Variants in ZNF483 observed in about 807,000 individuals in gnomAD.
ZNF483 encodes the protein zinc finger protein HIT-10.
A neutral mutation model predicts 28.6 loss-of-function variants in ZNF483; 9 were observed. The observed-to-expected ratio is 0.32, with a 90% CI of 0.19 to 0.55. The LOEUF (loss-of-function observed/expected upper bound fraction) is 0.55, where lower values mean the gene tolerates loss of function less well. ZNF483 is among the 20% of genes least tolerant of loss of function. ZNF483 has a pLI of 0.93. For synonymous variants in ZNF483, 322 were observed against 306.2 expected, an observed-to-expected ratio of 1.05 and a Z score of -0.54; for missense variants, 675 against 871.7, an observed-to-expected ratio of 0.77 and a Z score of 2.84.
At chr9:111,538,683 G>C (rs148836713) in intron 5 of ZNF483, among the ~76,000 whole-genome samples, 4 of 152,058 alleles carry the variant, frequency 2.6e-5, no homozygotes, top group Admixed American at 2.6e-4. Flanking sequence ...ATAAATATAT[G>C]TCCCTTCCCC....
intron 2 of ZNF483, 113 bp from the exon 3 acceptor site, chr9:111,530,756 AATATAT>A (rs60541488): frequency 0.02 from 1,384 of 70,430 alleles, 11 homozygotes; most frequent in Non-Finnish European, 0.024. Flanking sequence ...ATCACTTAGA[AATATAT>A]ATATATATAT....
chr9:111,543,629 G>A lies in ZNF483; in HGVS notation c.*459G>A. 1.0e-6 allele frequency: 1 copy of A among 985,776 alleles called. No individual in the cohort carries two copies. The highest frequency in any genetic ancestry group is 1.2e-6 in the Non-Finnish European group (1 of 830,376). The allele number at this position is 985,776 out of a possible 1,614,324, so 61.1% of individuals were successfully genotyped here. A position where few individuals can be genotyped will look rare whatever the true frequency, so the allele number is the denominator to read the frequency against. ...GGGATTAATGATTTTTGCCTTTTTT[G>A]GTTTTTTAGTTTTTTATTGGTATCC... On this transcript the variant is annotated 3_prime_UTR_variant, in exon 6 of 6. Transcript: ENST00000309235.
chr9:111,537,234 T>A (rs1446359560), intron 5 of ZNF483, among the ~76,000 whole-genome samples: 1 of 152,084 alleles, frequency 6.6e-6, no homozygotes, highest in African/African-American at 2.4e-5. Flanking sequence ...GGCTTTTTTT[T>A]TTTTGGAGAC....
chr9:111,561,110 T>TATATATATATAGAG (rs1457364862), intron 5 of ZNF483, among the ~76,000 whole-genome samples: 3 of 19,190 alleles, frequency 1.6e-4, no homozygotes, highest in African/African-American at 3.9e-4. Context: ...TATATATATA[T>TATATATATATAGAG]AGAGAGAGAG....
At position 111,549,615 on chromosome 9, in the gene ZNF483, G is replaced by T; in HGVS notation, c.*6445G>T. On this transcript the variant is annotated 3_prime_UTR_variant, in exon 6 of 6. Coordinates refer to ENST00000309235, the MANE Select transcript of ZNF483 (RefSeq NM_133464.5). ...TCTACAAGCTTTGCTAAACCTACCT[G>T]TAGCTCTTCTGGGGCAGCGGTCGTG... The T allele has an allele frequency of 1.1e-6, 1 of 948,076 alleles. No homozygotes were observed. The highest frequency in any genetic ancestry group is 1.6e-6 in the Non-Finnish European group (1 of 630,142). 58.7% of individuals were successfully genotyped at this position (948,076 alleles called of 1,614,324 possible). A position where few individuals can be genotyped will look rare whatever the true frequency, so the allele number is the denominator to read the frequency against.
intron 5 of ZNF483, among the ~76,000 whole-genome samples, chr9:111,539,227 C>T (rs1827606779): frequency 6.6e-6 from 1 of 150,952 alleles, no homozygotes; most frequent in African/African-American, 2.4e-5. Context: ...ATTTAAATAG[C>T]TTGTGAACAT....
Position 111,552,318 on chromosome 9 carries a change from CATTCT to C in ZNF483, c.*9151_*9155del, listed in dbSNP as rs1261652612. On this transcript the variant is annotated 3_prime_UTR_variant, in exon 6 of 6. Coordinates refer to ENST00000309235, the MANE Select transcript of ZNF483 (RefSeq NM_133464.5). ...TTTCAGAAGTTTCATAAACTGTCAA[CATTCT>C]ATAGCTTTTGTGCATATGTACTGAA... is the stretch of plus-strand genomic sequence containing the variant. 6.6e-6 allele frequency among the ~76,000 whole-genome samples: 1 copy of C among 152,058 alleles called. No individual in the cohort carries two copies. The highest frequency in any genetic ancestry group is 1.5e-5 in the Non-Finnish European group (1 of 68,014).
rs1271069699 is a variant in ZNF483, at chr9:111,546,964, C to A, written c.*3794C>A. Among the ~76,000 whole-genome samples, 1 of 152,124 alleles carries A rather than the reference C, an allele frequency of 6.6e-6. No homozygotes were observed. Among genetic ancestry groups the A allele is most frequent in the East Asian group, 1.9e-4 (1 of 5,206 alleles). On this transcript the variant is annotated 3_prime_UTR_variant, in exon 6 of 6. Transcript: ENST00000309235. ...TTTGCCCTGTTGTGTTTGGCTTATT[C>A]CACTTAGCATTATGTTTTCAAGGTT...
chr9:111,561,162 AGAG>A (rs1564608177), intron 5 of ZNF483, among the ~76,000 whole-genome samples: 25 of 140,954 alleles, frequency 1.8e-4, no homozygotes, highest in Middle Eastern at 3.5e-3. Flanking sequence ...AGAGAGAGAG[AGAG>A]AGAGAGAGAG....
intron 5 of ZNF483, among the ~76,000 whole-genome samples, chr9:111,565,846 A>C (rs1343222371): frequency 6.6e-6 from 1 of 152,168 alleles, no homozygotes; most frequent in Non-Finnish European, 1.5e-5. Context: ...TAAAATAAAA[A>C]GTGAATTTTA....
chr9:111,540,849 A>C (rs1827653408), intron 5 of ZNF483, among the ~76,000 whole-genome samples: 1 of 152,182 alleles, frequency 6.6e-6, no homozygotes, highest in African/African-American at 2.4e-5. Context: ...CGTATTATAC[A>C]TGTGACCTTG....
intron 2 of ZNF483, among the ~76,000 whole-genome samples, chr9:111,528,283 G>A (rs375810260): frequency 6.6e-6 from 1 of 152,204 alleles, no homozygotes; most frequent in Non-Finnish European, 1.5e-5. Flanking sequence ...TACATGAAAA[G>A]CAGCTAGTGC....
At chr9:111,557,437 CATT>C (rs1828156543), downstream of ZNF483, among the ~76,000 whole-genome samples, 1 of 92,382 alleles carries the variant, frequency 1.1e-5, no homozygotes, top group Admixed American at 9.9e-5. Flanking sequence ...CAGGAAAACT[CATT>C]ATCTTTTTTT....
downstream of ZNF483, among the ~76,000 whole-genome samples, chr9:111,558,343 A>G (rs1366025337): frequency 6.6e-6 from 1 of 152,128 alleles, no homozygotes; most frequent in Non-Finnish European, 1.5e-5. Context: ...TTCTTTCAAC[A>G]TGACTTCATT....
At chr9:111,541,304 T>C (rs1057120082) in intron 5 of ZNF483, among the ~76,000 whole-genome samples, 5 of 152,136 alleles carry the variant, frequency 3.3e-5, no homozygotes, top group Non-Finnish European at 7.4e-5. Context: ...TTAGCCAGGA[T>C]GGTCTTGATC....
intron 5 of ZNF483, 105 bp from the exon 6 acceptor site, chr9:111,541,552 G>A (rs75822146): frequency 0.059 from 50,113 of 846,046 alleles, 1,808 homozygotes; most frequent in African/African-American, 0.12. Flanking sequence ...GAGAACCATC[G>A]AAACTATATT....
intron 2 of ZNF483, chr9:111,528,104 C>T: frequency 8.0e-7 from 1 of 1,257,232 alleles, no homozygotes; most frequent in Non-Finnish European, 1.1e-6. Context: ...ATTTCTTTCC[C>T]ATCCCCTTCA....
chr9:111,552,941 T>A lies in ZNF483; in HGVS notation c.*9771T>A, dbSNP rs1260354367. On this transcript the variant is annotated 3_prime_UTR_variant, in exon 6 of 6. Coordinates refer to ENST00000309235, the MANE Select transcript of ZNF483 (RefSeq NM_133464.5). The stretch of plus-strand genomic sequence containing the variant: ...TAATTTTCTAAATACGATAAAGTGA[T>A]AATTTCTTCATCTCTCCATCTAAGG... Among the ~76,000 whole-genome samples the A allele has an allele frequency of 1.3e-5, 2 of 152,228 alleles. No individual in the cohort carries two copies. The highest frequency in any genetic ancestry group is 4.8e-5 in the African/African-American group (2 of 41,472).
chr9:111,532,236 ACAG>A (rs1827366559), intron 3 of ZNF483, among the ~76,000 whole-genome samples: 1 of 152,058 alleles, frequency 6.6e-6, no homozygotes, highest in African/African-American at 2.4e-5. Context: ...AGGGGGAAAG[ACAG>A]TCTTTCACTT....
Sources: gnomAD v4.1 joint callset for allele counts (sites outside exome capture counted in the v4.1 genomes callset) on GRCh38, gnomAD v4.1.1 for gene constraint, MANE v1.5 for transcripts, NCBI Gene and HGNC (gene_info 2026-07-23, HGNC 2026-07-21) for gene names.